B4GALNT1: variants seen among roughly 807,000 people sequenced by gnomAD.
The protein encoded by B4GALNT1 is beta-1,4-N-acetyl-galactosaminyltransferase 1.
B4GALNT1 carries 43 observed loss-of-function variants against 55.2 expected under a neutral mutation model. The ratio of observed to expected loss-of-function variants is 0.78; its 90% CI spans 0.61 to 1.00. B4GALNT1 has a LOEUF of 1.00. B4GALNT1 is among the 50% of genes least tolerant of loss of function. B4GALNT1 has a pLI of 0.00. For missense variants in B4GALNT1, 664 were observed against 729.7 expected, an observed-to-expected ratio of 0.91 and a Z score of 1.04; for synonymous variants, 305 against 311.6, an observed-to-expected ratio of 0.98 and a Z score of 0.22.
chr12:57,628,353 T>C lies in B4GALNT1; in HGVS notation c.1003-91A>G. 2.6e-6 allele frequency: 4 copies of C among 1,566,320 alleles called. No individual in the cohort carries two copies. In the Middle Eastern group the frequency reaches 5.2e-4, roughly 202 times the overall value. ...TTTCTCTCCCCCGACCCTTCTCAGC[T>C]TGTATTCTTCTCCAGACTTTTGAGT... is the stretch of plus-strand genomic sequence containing the variant. On this transcript the variant is annotated intron_variant, in intron 8 of 10. Transcript: ENST00000341156.
chr12:57,625,362 C>T lies in B4GALNT1; in HGVS notation c.*1382G>A, dbSNP rs1884733296. On this transcript the variant is annotated 3_prime_UTR_variant, in exon 11 of 11. Transcript: ENST00000341156. ...TGAGGAGAAACCCCTTAGCATCTCA[C>T]TCATACCCTCTGATCTGGGACTTAA... is the stretch of plus-strand genomic sequence containing the variant. 2 of 1,613,994 alleles carry T rather than the reference C, an allele frequency of 1.2e-6. No individual in the cohort carries two copies. The highest frequency in any genetic ancestry group is 1.7e-5 in the Admixed American group (1 of 60,000).
At chr12:57,630,959 C>T (rs771178172) in intron 4 of B4GALNT1, 21 bp downstream of exon 4, 3 of 1,604,694 alleles carry the variant, frequency 1.9e-6, no homozygotes, top group Admixed American at 1.7e-5. Context: ...TGAGGTCATC[C>T]TCTGGGACCC....
chr12:57,632,162 AAGGG>A, intron 1 of B4GALNT1, 29 bp from the exon 2 acceptor site: 1 of 1,515,814 alleles, frequency 6.6e-7, no homozygotes, highest in Non-Finnish European at 8.9e-7. Context: ...GGGAGTGAGA[AAGGG>A]AGGGAAGAAG....
Position 57,625,969 on chromosome 12 carries a change from A to C in B4GALNT1, c.*775T>G, listed in dbSNP as rs1884782810. 5 of 452,314 alleles carry C rather than the reference A, an allele frequency of 1.1e-5. No homozygotes were observed. Among genetic ancestry groups the C allele is most frequent in the Non-Finnish European group, 1.9e-5 (5 of 262,328 alleles). The allele number at this position is 452,314 out of a possible 1,614,324, so 28.0% of individuals were successfully genotyped here. A position where few individuals can be genotyped will look rare whatever the true frequency, so the allele number is the denominator to read the frequency against. On this transcript the variant is annotated 3_prime_UTR_variant, in exon 11 of 11. Transcript: ENST00000341156. ...ATTAAGGAAGAGGGGTGCCTAATCT[A>C]TTCCTGACATGTCTCCTCTCTTCTC...
Position 57,628,194 on chromosome 12 carries a change from G to A in B4GALNT1, c.1071C>T (p.Asp357=). ...VTTKYVLWVD[D]DFVFTARTRL... is the part of the protein sequence containing the mutation. ...GCGTCCGCGCCGTGAAGACGAAGTC[G>A]TCGTCCACCCACAGCACGTACTTGG... Residue 357 remains aspartate, a synonymous_variant, in exon 9 of 11, where the codon GAC becomes GAT. Coordinates refer to ENST00000341156, the MANE Select transcript of B4GALNT1 (RefSeq NM_001478.5). The A allele has an allele frequency of 6.2e-7, 1 of 1,614,284 alleles. No homozygotes were observed. Among genetic ancestry groups the A allele is most frequent in the Non-Finnish European group, 8.5e-7 (1 of 1,180,044 alleles).
At position 57,623,501 on chromosome 12, in the gene B4GALNT1, T is replaced by C. The variant is rs1009709155; in HGVS notation, c.*3243A>G. The C allele has an allele frequency of 1.4e-5, 6 of 434,564 alleles. No homozygotes were observed. The highest frequency in any genetic ancestry group is 4.1e-6 in the Non-Finnish European group (1 of 245,298). 26.9% of individuals were successfully genotyped at this position (434,564 alleles called of 1,614,324 possible). A position where few individuals can be genotyped will look rare whatever the true frequency, so the allele number is the denominator to read the frequency against. Reference sequence around the variant, plus strand: ...TATCAAAGTCTCCCCCTAATATTTTTGGTTTCCCTTACTTTGCTGGTGCCC... The same window carrying C: ...TATCAAAGTCTCCCCCTAATATTTTCGGTTTCCCTTACTTTGCTGGTGCCC... On this transcript the variant is annotated 3_prime_UTR_variant, in exon 11 of 11. Transcript: ENST00000341156.
Position 57,625,196 on chromosome 12 carries a change from C to T in B4GALNT1, c.*1548G>A, listed in dbSNP as rs1871417. The T allele has an allele frequency of 0.36, 574,738 of 1,613,734 alleles. 109,219 individuals carry two copies. Among genetic ancestry groups the T allele is most frequent in the East Asian group, 0.69 (30,852 of 44,852 alleles). On this transcript the variant is annotated 3_prime_UTR_variant, in exon 11 of 11. Coordinates refer to ENST00000341156, the MANE Select transcript of B4GALNT1 (RefSeq NM_001478.5). ...CAAGAAGGAAGATTTGGGCATGTTG[C>T]ATGGTGACACCTGGGTACTCCTGTC...
chr12:57,627,528 C>T, intron 10 of B4GALNT1, 90 bp downstream of exon 10: 2 of 1,461,782 alleles, frequency 1.4e-6, no homozygotes, highest in Non-Finnish European at 1.8e-6. Flanking sequence ...CGGCTGGGCG[C>T]GGGTGCAGCC....
At chr12:57,631,408 A>C (rs752729266) in intron 2 of B4GALNT1, 44 bp from the exon 3 acceptor site, 9 of 1,606,396 alleles carry the variant, frequency 5.6e-6, no homozygotes, top group Non-Finnish European at 7.7e-6. Flanking sequence ...CCAGCTACAC[A>C]GCTCCATTCA....
Position 57,626,359 on chromosome 12 carries a change from A to C in B4GALNT1, c.*385T>G. 3.5e-6 allele frequency: 1 copy of C among 283,220 alleles called. No individual in the cohort carries two copies. The highest frequency in any genetic ancestry group is 6.9e-6 in the Non-Finnish European group (1 of 145,604). The allele number at this position is 283,220 out of a possible 1,614,324, so 17.5% of individuals were successfully genotyped here. ...TGCAGATGAGGGGCACAGTCTTGGGATTATGTGTTGGGGAACTTCCCCACC... is the reference window on the plus strand; with the variant it reads ...TGCAGATGAGGGGCACAGTCTTGGGCTTATGTGTTGGGGAACTTCCCCACC... On this transcript the variant is annotated 3_prime_UTR_variant, in exon 11 of 11. Transcript: ENST00000341156.
rs960019574 is a variant in B4GALNT1 at position 57,624,749 on chromosome 12, G to A, written c.*1995C>T. 2.1e-6 allele frequency: 2 copies of A among 948,088 alleles called. No individual in the cohort carries two copies. Among genetic ancestry groups the A allele is most frequent in the African/African-American group, 1.6e-5 (1 of 62,218 alleles). The allele number at this position is 948,088 out of a possible 1,614,324, so 58.7% of individuals were successfully genotyped here. ...GGTGTAGTGCCTGGCACTTGGACAG[G>A]CTGAGGGGACAGAGCTCTACAGACC... On this transcript the variant is annotated 3_prime_UTR_variant, in exon 11 of 11. Coordinates refer to ENST00000341156, the MANE Select transcript of B4GALNT1 (RefSeq NM_001478.5).
chr12:57,628,753 C>A lies in B4GALNT1; in HGVS notation c.962G>T (p.Ser321Ile). 1.4e-5 allele frequency: 22 copies of A among 1,614,272 alleles called. No individual in the cohort carries two copies. The highest frequency in any genetic ancestry group is 1.9e-5 in the Non-Finnish European group (22 of 1,180,056). ...ADDSDKPERV[S>I]GPYVEHYLMP... ...GAGATAGTGTTCCACGTAGGGGCCA[C>A]TAACGCGCTCTGGCTTGTCGCTGTC... The change falls in exon 8 of 11, where the codon AGT becomes ATT. Residue 321 changes from serine (S) to isoleucine (I), a missense_variant. Transcript: ENST00000341156.
chr12:57,627,296 G>A (rs764712156), intron 10 of B4GALNT1, among the ~76,000 whole-genome samples: 86 of 152,006 alleles, frequency 5.7e-4, no homozygotes, highest in Non-Finnish European at 4.7e-4. Flanking sequence ...TGGGGGCCCA[G>A]CGGCTGTGCT....
Position 57,625,711 on chromosome 12 carries a change from G to C in B4GALNT1, c.*1033C>G. ...CTGTTAAGGGGCAGTAGCACCAGGAGCGGGAGCCAGGAGGCACTGGGCTGC... is the reference window on the plus strand; with the variant it reads ...CTGTTAAGGGGCAGTAGCACCAGGACCGGGAGCCAGGAGGCACTGGGCTGC... On this transcript the variant is annotated 3_prime_UTR_variant, in exon 11 of 11. Coordinates refer to ENST00000341156, the MANE Select transcript of B4GALNT1 (RefSeq NM_001478.5). 6.5e-7 allele frequency: 1 copy of C among 1,542,184 alleles called. No homozygotes were observed. The highest frequency in any genetic ancestry group is 8.7e-7 in the Non-Finnish European group (1 of 1,147,072).
At position 57,623,946 on chromosome 12, in the gene B4GALNT1, G is replaced by A; in HGVS notation, c.*2798C>T. 1 of 1,613,688 alleles carries A rather than the reference G, an allele frequency of 6.2e-7. No individual in the cohort carries two copies. Among genetic ancestry groups the A allele is most frequent in the Non-Finnish European group, 8.5e-7 (1 of 1,179,758 alleles). ...GCAGAGGAGGCATGAGCATGGCTGGGAGGGGTAGCTGTATTCCAGGACATC... is the reference window on the plus strand; with the variant it reads ...GCAGAGGAGGCATGAGCATGGCTGGAAGGGGTAGCTGTATTCCAGGACATC... On this transcript the variant is annotated 3_prime_UTR_variant, in exon 11 of 11. Transcript: ENST00000341156.
chr12:57,633,018 G>C lies in B4GALNT1; in HGVS notation c.-248C>G, dbSNP rs1388736633. Reference sequence around the variant, plus strand: ...TTTCCTGCCCGGGGGCGGTTGGCGGGGCGCGAGGACCAAGTTAAGAGTCTG... The same window carrying C: ...TTTCCTGCCCGGGGGCGGTTGGCGGCGCGCGAGGACCAAGTTAAGAGTCTG... On this transcript the variant is annotated 5_prime_UTR_variant, in exon 1 of 11. Coordinates refer to ENST00000341156, the MANE Select transcript of B4GALNT1 (RefSeq NM_001478.5). 6.6e-6 allele frequency: 1 copy of C among 152,378 alleles called. No homozygotes were observed. Among genetic ancestry groups the C allele is most frequent in the Admixed American group, 6.5e-5 (1 of 15,290 alleles). The allele number at this position is 152,378 out of a possible 1,614,324, so 9.4% of individuals were successfully genotyped here. A position where few individuals can be genotyped will look rare whatever the true frequency, so the allele number is the denominator to read the frequency against.
rs376963828 is a variant in B4GALNT1, at chr12:57,629,032, C to T, written c.811+16G>A. 8.8e-6 allele frequency: 14 copies of T among 1,583,042 alleles called. No individual in the cohort carries two copies. In the South Asian group the frequency reaches 1.5e-4, roughly 17 times the overall value. ...CAAGGCTGGTTCTAATATGTCCCTG[C>T]CCCTACCAGCCTCACCTCCCTGGGG... On this transcript the variant is annotated intron_variant, in intron 7 of 10. Coordinates refer to ENST00000341156, the MANE Select transcript of B4GALNT1 (RefSeq NM_001478.5).
chr12:57,627,382 T>TA (rs1884889547), intron 10 of B4GALNT1, among the ~76,000 whole-genome samples: 1 of 149,326 alleles, frequency 6.7e-6, no homozygotes, highest in Admixed American at 6.7e-5. Context: ...CCCTAGAACT[T>TA]AAAGTATAAC....
chr12:57,629,280 T>C (rs1300641300), intron 6 of B4GALNT1, 134 bp from the exon 7 acceptor site: 2 of 652,508 alleles, frequency 3.1e-6, no homozygotes, highest in African/African-American at 3.7e-5. Context: ...GGTTCTTACC[T>C]TTATGGAACT....
Sources: allele counts gnomAD v4.1 joint callset (sites outside exome capture counted in the v4.1 genomes callset), GRCh38; gene constraint gnomAD v4.1.1; transcripts MANE v1.5; gene names NCBI Gene and HGNC (gene_info 2026-07-23, HGNC 2026-07-21).